The following MTUS1 variants were observed in gnomAD, a reference collection of about 807,000 sequenced individuals.
MTUS1 encodes the protein microtubule associated scaffold protein 1, also known as microtubule-associated tumor suppressor 1.
In MTUS1, 109 loss-of-function variants were observed where a neutral mutation model predicts 120.8. The ratio of observed to expected loss-of-function variants is 0.90; its 90% confidence interval spans 0.77 to 1.06. The LOEUF (loss-of-function observed/expected upper bound fraction) is 1.06. Among genes scored for constraint, MTUS1 ranks in the 50% least tolerant of loss-of-function variants. The pLI is 0.00. For synonymous variants in MTUS1, 737 were observed against 550.5 expected, an observed-to-expected ratio of 1.34 and a Z score of -4.74; for missense variants, 2,210 against 1,486.3, an observed-to-expected ratio of 1.49 and a Z score of -8.01.
rs149802984 is a variant in MTUS1 at position 17,661,477 on chromosome 8, C to T, written c.2906-5412G>A. ...GCCCTGGGCTAGAAGAGCTTCGAAG[C>T]TGACGTTAATAGCAGACTACCCTGG... On this transcript the variant is annotated intron_variant, in intron 8 of 14. Transcript: ENST00000693296. Among the ~76,000 whole-genome samples, 984 of 152,284 alleles carry T rather than the reference C, an allele frequency of 6.5e-3. 18 individuals are homozygous for T. The highest frequency in any genetic ancestry group is 0.052 in the East Asian group (270 of 5,182).
chr8:17,712,560 A>T (rs1821535019), intron 6 of MTUS1, among the ~76,000 whole-genome samples: 1 of 152,184 alleles, frequency 6.6e-6, no homozygotes, highest in Admixed American at 6.5e-5. Context: ...GCTGGTCTTG[A>T]ACTCCTGACC....
chr8:17,732,809 C>G (rs1329073773), intron 3 of MTUS1, among the ~76,000 whole-genome samples: 1 of 152,110 alleles, frequency 6.6e-6, no homozygotes, highest in African/African-American at 2.4e-5. Flanking sequence ...ACCCCCAATC[C>G]AATCTAAGCA....
intron 8 of MTUS1, among the ~76,000 whole-genome samples, chr8:17,665,396 G>A (rs1161180002): frequency 6.6e-6 from 1 of 152,144 alleles, no homozygotes; most frequent in African/African-American, 2.4e-5. Flanking sequence ...TACTTTACAA[G>A]GTGCTCTCAC....
intron 2 of MTUS1, among the ~76,000 whole-genome samples, chr8:17,746,585 C>A (rs988293011): frequency 1.3e-5 from 2 of 152,112 alleles, no homozygotes; most frequent in Non-Finnish European, 2.9e-5. Flanking sequence ...CTCACTACCA[C>A]AAGAACAGTA....
intron 3 of MTUS1, among the ~76,000 whole-genome samples, chr8:17,731,951 G>C (rs2046613982): frequency 6.6e-6 from 1 of 152,188 alleles, no homozygotes; most frequent in South Asian, 2.1e-4. Flanking sequence ...GCCAGTAGGG[G>C]CAAGAGCCAG....
chr8:17,769,386 C>G (rs1194251509), intron 1 of MTUS1, among the ~76,000 whole-genome samples: 8 of 145,038 alleles, frequency 5.5e-5, no homozygotes, highest in Middle Eastern at 3.4e-3. Context: ...CTCGCTCTGT[C>G]GCCCAGGCTG....
In MTUS1 at chr8:17,753,985, A is replaced by T; in HGVS notation, c.1823T>A (p.Val608Glu). Reference sequence around the variant, plus strand: ...GTCAACATCTTCCTGATTCGATTTCACGGCAGATGTTGTTCTTGGAACCCT... The same window carrying T: ...GTCAACATCTTCCTGATTCGATTTCTCGGCAGATGTTGTTCTTGGAACCCT... ...SHRVPRTTSAVKSNQEDVDKA... is the reference protein window; with the variant it reads ...SHRVPRTTSAEKSNQEDVDKA... Residue 608 changes from valine (V) to glutamate (E), a missense_variant, in exon 2 of 15, where the codon GTG (valine) becomes GAG (glutamate). Coordinates refer to ENST00000693296, the MANE Select transcript of MTUS1 (RefSeq NM_001363059.2). 6.2e-7 allele frequency: 1 copy of T among 1,614,190 alleles called. No homozygotes were observed. Among genetic ancestry groups the T allele is most frequent in the Admixed American group, 1.7e-5 (1 of 60,006 alleles).
At chr8:17,710,218 T>C (rs144690353) in intron 6 of MTUS1, among the ~76,000 whole-genome samples, 188 of 152,262 alleles carry the variant, frequency 1.2e-3, no homozygotes, top group African/African-American at 3.1e-3. Flanking sequence ...GCGACATCAA[T>C]TGACTCTTTC....
intron 1 of MTUS1, among the ~76,000 whole-genome samples, chr8:17,779,786 G>C (rs1042234209): frequency 2.6e-5 from 4 of 152,092 alleles, no homozygotes; most frequent in African/African-American, 7.2e-5. Flanking sequence ...AAGTGTTGGA[G>C]GGGGGGCGGG....
chr8:17,791,679 A>C (rs1343882432), intron 1 of MTUS1, among the ~76,000 whole-genome samples: 1 of 152,204 alleles, frequency 6.6e-6, no homozygotes, highest in African/African-American at 2.4e-5. Context: ...AGAATAAACA[A>C]TCTCCAATGT....
intron 1 of MTUS1, among the ~76,000 whole-genome samples, chr8:17,778,645 C>G (rs1199292034): frequency 6.6e-6 from 1 of 151,740 alleles, no homozygotes; most frequent in African/African-American, 2.4e-5. Context: ...CTGTCTCTAC[C>G]AAAAAATCCA....
intron 6 of MTUS1, chr8:17,697,344 T>C: frequency 6.2e-7 from 1 of 1,614,132 alleles, no homozygotes; most frequent in Non-Finnish European, 8.5e-7. Context: ...CGTATGTGAA[T>C]GGTGGATAAG....
chr8:17,723,049 T>C (rs1399790087), intron 4 of MTUS1, among the ~76,000 whole-genome samples: 2 of 152,226 alleles, frequency 1.3e-5, no homozygotes, highest in Non-Finnish European at 2.9e-5. Flanking sequence ...GCGCCTATCA[T>C]GGTGTCTGTG....
chr8:17,762,586 A>G (rs1335199601), intron 1 of MTUS1, among the ~76,000 whole-genome samples: 1 of 152,178 alleles, frequency 6.6e-6, no homozygotes, highest in African/African-American at 2.4e-5. Flanking sequence ...TAAAAGCATA[A>G]CGATTTCCTA....
intron 6 of MTUS1, among the ~76,000 whole-genome samples, chr8:17,701,023 G>A (rs1019216635): frequency 1.3e-5 from 2 of 152,116 alleles, no homozygotes; most frequent in Non-Finnish European, 2.9e-5. Context: ...GTGCTTAGAT[G>A]CTACAAAATG....
chr8:17,774,696 T>A (rs2050275714), intron 1 of MTUS1, among the ~76,000 whole-genome samples: 2 of 152,074 alleles, frequency 1.3e-5, no homozygotes, highest in Non-Finnish European at 2.9e-5. Flanking sequence ...CTCCAAGAGA[T>A]AAACATAGAA....
At chr8:17,657,657 A>AT (rs749578477) in intron 8 of MTUS1, among the ~76,000 whole-genome samples, 33 of 50,828 alleles carry the variant, frequency 6.5e-4, no homozygotes, top group Admixed American at 2.4e-3. Context: ...ATCTCTTAAA[A>AT]TTAAAAAAAA....
intron 2 of MTUS1, among the ~76,000 whole-genome samples, chr8:17,744,446 G>A (rs936072907): frequency 6.6e-6 from 1 of 151,884 alleles, no homozygotes; most frequent in South Asian, 2.1e-4. Context: ...TTTTGACACG[G>A]AGTCTCCTCT....
chr8:17,777,848 T>C (rs2050577491), intron 1 of MTUS1, among the ~76,000 whole-genome samples: 5 of 151,838 alleles, frequency 3.3e-5, no homozygotes, highest in Admixed American at 3.3e-4. Flanking sequence ...GACTTAGAAA[T>C]GATGAAAATG....
Sources: allele counts gnomAD v4.1 joint callset (sites outside exome capture counted in the v4.1 genomes callset), GRCh38; gene constraint gnomAD v4.1.1; transcripts MANE v1.5; gene names NCBI Gene and HGNC (gene_info 2026-07-23, HGNC 2026-07-21).